The following CEP85L variants were observed in gnomAD, a reference collection of about 807,000 sequenced individuals.
The protein encoded by CEP85L is centrosomal protein of 85 kDa-like.
In CEP85L, 60 loss-of-function variants were observed where a neutral mutation model predicts 100.3. The observed-to-expected ratio is 0.60, with a 90% CI of 0.49 to 0.74. The LOEUF is 0.74. Ranked by LOEUF, CEP85L falls within the 30% of genes least tolerant of loss-of-function variation. CEP85L has a pLI of 0.00. For synonymous variants in CEP85L, 319 were observed against 322.7 expected (o/e 0.99, Z 0.12); for missense variants, 973 against 936.2 (o/e 1.04, Z -0.51).
At chr6:118,584,060 C>A (rs1375260335) in intron 2 of CEP85L, among the ~76,000 whole-genome samples, 1 of 152,190 alleles carries the variant, frequency 6.6e-6, no homozygotes, top group African/African-American at 2.4e-5. Flanking sequence ...TTGAAATAGT[C>A]CTCATCTGTT....
chr6:118,599,556 C>T (rs574122824), intron 2 of CEP85L, among the ~76,000 whole-genome samples: 3 of 152,148 alleles, frequency 2.0e-5, no homozygotes, highest in African/African-American at 7.2e-5. Context: ...CCTCTAACTC[C>T]TATTTTCAGT....
At chr6:118,661,744 A>G (rs1411533387) in intron 1 of CEP85L, among the ~76,000 whole-genome samples, 1 of 152,362 alleles carries the variant, frequency 6.6e-6, no homozygotes, top group Admixed American at 6.5e-5. Context: ...TTATAGAACA[A>G]TAAAATATTT....
intron 3 of CEP85L, chr6:118,558,695 A>G (rs1230493476): frequency 3.6e-6 from 2 of 555,452 alleles, no homozygotes; most frequent in Non-Finnish European, 6.4e-6. Flanking sequence ...AGAGGGAGAG[A>G]GACTATAGAA....
chr6:118,625,316 C>T (rs546820150), intron 2 of CEP85L, among the ~76,000 whole-genome samples: 16 of 152,208 alleles, frequency 1.1e-4, no homozygotes, highest in South Asian at 2.1e-4. Flanking sequence ...TCTAGCACCC[C>T]CATGTCCATT....
intron 3 of CEP85L, among the ~76,000 whole-genome samples, chr6:118,554,989 A>T (rs1027685041): frequency 5.9e-5 from 9 of 152,342 alleles, no homozygotes; most frequent in African/African-American, 2.2e-4. Context: ...CTCCTTTCCC[A>T]TGTTTTGTCT....
chr6:118,664,485 T>A (rs1776072095), intron 1 of CEP85L: 1 of 152,482 alleles, frequency 6.6e-6, no homozygotes, highest in African/African-American at 2.4e-5. Context: ...GGAGGGACTA[T>A]CAGTGGACTT....
At chr6:118,542,912 A>AAC (rs1426444017) in intron 3 of CEP85L, among the ~76,000 whole-genome samples, 3 of 122,260 alleles carry the variant, frequency 2.5e-5, no homozygotes, top group East Asian at 6.0e-4. Flanking sequence ...AAAAAAAAAA[A>AAC]AAAAAAAAAA....
chr6:118,633,868 A>G (rs1043000028), intron 1 of CEP85L, among the ~76,000 whole-genome samples: 10 of 152,280 alleles, frequency 6.6e-5, no homozygotes, highest in African/African-American at 2.4e-4. Flanking sequence ...TATTCATAAA[A>G]GTTAAGAAGT....
At chr6:118,587,499 G>A (rs1373796221) in intron 2 of CEP85L, among the ~76,000 whole-genome samples, 1 of 152,190 alleles carries the variant, frequency 6.6e-6, no homozygotes, top group Non-Finnish European at 1.5e-5. Context: ...CCTAGTGGGG[G>A]GCTTTCAGAA....
At chr6:118,655,348 G>A (rs139376039), upstream of CEP85L, among the ~76,000 whole-genome samples, 178 of 152,244 alleles carry the variant, frequency 1.2e-3, 4 homozygotes, top group East Asian at 0.031. Flanking sequence ...GGTGTGGGAG[G>A]GATAGAATTC....
chr6:118,626,649 G>A (rs1022316142), intron 2 of CEP85L, among the ~76,000 whole-genome samples: 1 of 152,100 alleles, frequency 6.6e-6, no homozygotes. Flanking sequence ...ACCCATTTGG[G>A]ACCCCTTCCA....
intron 1 of CEP85L, among the ~76,000 whole-genome samples, chr6:118,660,954 C>T (rs893823338): frequency 2.0e-5 from 3 of 151,574 alleles, no homozygotes; most frequent in African/African-American, 4.9e-5. Context: ...GGCATGATCT[C>T]GGCTCACTGC....
rs1462903032 is a variant in CEP85L at position 118,463,276 on chromosome 6, A to G, written c.*2129T>C. ...AAAAAAAAAAAATAAATAAACCCAT[A>G]AAATCCCAAAACATACACTAAAAAT... On this transcript the variant is annotated 3_prime_UTR_variant, in exon 13 of 13. Coordinates refer to ENST00000368491, the MANE Select transcript of CEP85L (RefSeq NM_001042475.3). The G allele has an allele frequency of 6.6e-6, 1 of 152,012 alleles. No individual in the cohort carries two copies. The highest frequency in any genetic ancestry group is 1.9e-4 in the East Asian group (1 of 5,196). 9.4% of individuals were successfully genotyped at this position (152,012 alleles called of 1,614,324 possible).
At chr6:118,545,190 G>C (rs1218901405) in intron 3 of CEP85L, among the ~76,000 whole-genome samples, 1 of 151,808 alleles carries the variant, frequency 6.6e-6, no homozygotes, top group Non-Finnish European at 1.5e-5. Flanking sequence ...TCCAAAAACC[G>C]ATTCTATTTT....
At chr6:118,685,538 A>G (rs1414147437) in intron 1 of CEP85L, among the ~76,000 whole-genome samples, 3 of 151,864 alleles carry the variant, frequency 2.0e-5, no homozygotes, top group Non-Finnish European at 4.4e-5. Context: ...AACAAACTTT[A>G]AAAATACAAC....
intron 4 of CEP85L, among the ~76,000 whole-genome samples, chr6:118,517,190 T>C (rs1471245259): frequency 6.6e-6 from 1 of 152,230 alleles, no homozygotes; most frequent in Non-Finnish European, 1.5e-5. Context: ...GCCTCCAGCT[T>C]TGTTCTTTTT....
chr6:118,502,596 G>T, intron 5 of CEP85L: 2 of 478,758 alleles, frequency 4.2e-6, no homozygotes, highest in South Asian at 4.1e-5. Flanking sequence ...TGAAGTTTTT[G>T]ACTCTTGAAG....
chr6:118,707,918 A>G (rs138783337), intron 1 of CEP85L, among the ~76,000 whole-genome samples: 1 of 149,512 alleles, frequency 6.7e-6, no homozygotes, highest in African/African-American at 2.5e-5. Context: ...AAAATCTAAA[A>G]GACCAATACA....
rs554296736 is a variant in CEP85L, at chr6:118,575,091, A to G, written c.233-8775T>C. ...GAGTTGAGCCGTAGAGAAAGGGTGC[A>G]AGAAATTTCTATTAGGAGAGGTTGA... On this transcript the variant is annotated intron_variant, in intron 2 of 12. Transcript: ENST00000368491. Among the ~76,000 whole-genome samples the G allele has an allele frequency of 2.6e-5, 4 of 152,194 alleles. No homozygotes were observed. The South Asian group carries it at 8.3e-4, about 32-fold the overall frequency.
Sources: gnomAD v4.1 joint callset for allele counts (sites outside exome capture counted in the v4.1 genomes callset) on GRCh38, gnomAD v4.1.1 for gene constraint, MANE v1.5 for transcripts, NCBI Gene and HGNC (gene_info 2026-07-23, HGNC 2026-07-21) for gene names.